RPTOR: variants seen among roughly 807,000 people sequenced by gnomAD.
RPTOR encodes regulatory associated protein of MTOR complex 1.
Under a neutral mutation model 169.9 loss-of-function variants are expected in RPTOR, and 21 were observed. The observed-to-expected ratio is 0.12, with a 90% CI of 0.09 to 0.18. The LOEUF is 0.18. Ranked by LOEUF, RPTOR falls within the 10% of genes least tolerant of loss-of-function variation. RPTOR has a pLI of 1.00. For synonymous variants in RPTOR, 732 were observed against 753.2 expected (o/e 0.97, Z 0.46); for missense variants, 1,133 against 1,855.9 (o/e 0.61, Z 7.16).
intron 11 of RPTOR, among the ~76,000 whole-genome samples, chr17:80,853,017 A>G (rs930198948): frequency 3.3e-5 from 5 of 151,856 alleles, no homozygotes; most frequent in Non-Finnish European, 7.4e-5. Context: ...CCAGTGCTGC[A>G]GTCTCCTCCT....
intron 6 of RPTOR, among the ~76,000 whole-genome samples, chr17:80,760,325 A>T (rs2066723663): frequency 1.1e-5 from 1 of 90,764 alleles, no homozygotes; most frequent in Non-Finnish European, 2.1e-5. Context: ...TTTTTTTGAG[A>T]CCGAGTCTCA....
chr17:80,963,163 GT>G, intron 33 of RPTOR, 106 bp downstream of exon 33: 1 of 1,142,840 alleles, frequency 8.8e-7, no homozygotes, highest in South Asian at 1.5e-5. Context: ...CCACACCACA[GT>G]GGGGCCCATT....
intron 3 of RPTOR, among the ~76,000 whole-genome samples, chr17:80,700,475 GTGA>G (rs565407689): frequency 0.057 from 7,781 of 136,796 alleles, 769 homozygotes; most frequent in African/African-American, 0.21. Flanking sequence ...GGTGGTGGTG[GTGA>G]TGATGGTGGT....
In RPTOR at chr17:80,586,674, C is replaced by T. The variant is rs914077891; in HGVS notation, c.163-39017C>T. On this transcript the variant is annotated intron_variant, in intron 1 of 33. Transcript: ENST00000306801. ...CCAGGCGGGAACTGAAGAGCAGCCC[C>T]GGGCGCTGCAGCTTCCTGTCCTGCC... Among the ~76,000 whole-genome samples the T allele has an allele frequency of 4.6e-5, 7 of 152,258 alleles. No individual in the cohort carries two copies. The Middle Eastern group carries it at 0.01, about 222-fold the overall frequency.
At position 80,633,481 on chromosome 17, in the gene RPTOR, T is replaced by C. The variant is rs2065457448; in HGVS notation, c.265+7688T>C. ...GCTTGAAGGTGGCAGTCTCTTTGTT[T>C]TGTAGAATGTCTCCGGTGTCTCCTA... is the stretch of plus-strand genomic sequence containing the variant. On this transcript the variant is annotated intron_variant, in intron 2 of 33. Transcript: ENST00000306801. This position sits in a 1 kb window ranked among gnomAD's most constrained non-coding sequence, Gnocchi z 4.1. 6.6e-6 allele frequency among the ~76,000 whole-genome samples: 1 copy of C among 152,210 alleles called. No individual in the cohort carries two copies. The highest frequency in any genetic ancestry group is 1.5e-5 in the Non-Finnish European group (1 of 68,036).
At chr17:80,848,093 A>G (rs1420336526) in intron 11 of RPTOR, among the ~76,000 whole-genome samples, 1 of 152,208 alleles carries the variant, frequency 6.6e-6, no homozygotes, top group Non-Finnish European at 1.5e-5. Context: ...GTGCACATGG[A>G]CGTGCTCAAG....
chr17:80,920,200 G>A (rs1431188496), intron 21 of RPTOR, among the ~76,000 whole-genome samples: 3 of 152,228 alleles, frequency 2.0e-5, no homozygotes, highest in Admixed American at 6.5e-5. Context: ...CCGCAGGCAG[G>A]CAGGTCTGCC....
intron 1 of RPTOR, among the ~76,000 whole-genome samples, chr17:80,547,811 A>G (rs1454927357): frequency 6.6e-6 from 1 of 152,204 alleles, no homozygotes; most frequent in East Asian, 1.9e-4. Context: ...GAATAATGGC[A>G]TAGGTTCAAA....
chr17:80,627,941 C>T lies in RPTOR; in HGVS notation c.265+2148C>T, dbSNP rs372734249. Among the ~76,000 whole-genome samples, 365 of 151,594 alleles carry T rather than the reference C, an allele frequency of 2.4e-3. 1 individual carries two copies. The highest frequency in any genetic ancestry group is 8.3e-3 in the African/African-American group (341 of 41,306). On this transcript the variant is annotated intron_variant, in intron 2 of 33. Transcript: ENST00000306801. ...ACAACCTCTGCCTCCCGGGTTCAAG[C>T]GATTCTCCTGCCTCAGCCTCCCGAG...
At chr17:80,837,272 T>C (rs1268645391) in intron 9 of RPTOR, among the ~76,000 whole-genome samples, 1 of 151,954 alleles carries the variant, frequency 6.6e-6, no homozygotes, top group Non-Finnish European at 1.5e-5. Context: ...GACCCCAGAC[T>C]GCAGGGTGCC....
At chr17:80,676,877 C>T (rs2065864926) in intron 3 of RPTOR, among the ~76,000 whole-genome samples, 1 of 152,212 alleles carries the variant, frequency 6.6e-6, no homozygotes. Context: ...GATTTGCAGC[C>T]TGGTGGCCTT....
chr17:80,730,745 G>GTTTTT lies in RPTOR; in HGVS notation c.654+43_654+44insTTTTT. On this transcript the variant is annotated intron_variant, in intron 5 of 33. Transcript: ENST00000306801. This position sits in a 1 kb window ranked among gnomAD's most constrained non-coding sequence, Gnocchi z 4.2. ...TGCTTGGAGAGCGGTGCTGGGTTTGGTTTTGTTTTCCCTGGGGGTGGGGTT... is the reference window on the plus strand; with the variant it reads ...TGCTTGGAGAGCGGTGCTGGGTTTGGTTTTTTTTTGTTTTCCCTGGGGGTGGGGTT... 1.3e-6 allele frequency: 1 copy of GTTTTT among 750,724 alleles called. No individual in the cohort carries two copies. The allele number at this position is 750,724 out of a possible 1,614,324, so 46.5% of individuals were successfully genotyped here.
intron 9 of RPTOR, among the ~76,000 whole-genome samples, chr17:80,825,090 G>A (rs527485600): frequency 2.0e-5 from 3 of 149,956 alleles, no homozygotes; most frequent in East Asian, 4.0e-4. Flanking sequence ...TAGAGGCCAC[G>A]TGGCGAGGTC....
chr17:80,928,181 G>A (rs2068835217), intron 24 of RPTOR, among the ~76,000 whole-genome samples: 2 of 152,098 alleles, frequency 1.3e-5, no homozygotes, highest in Non-Finnish European at 2.9e-5. Flanking sequence ...TCTTAGGAGT[G>A]TCTTTAACAT....
intron 3 of RPTOR, among the ~76,000 whole-genome samples, chr17:80,684,934 C>T (rs2065925558): frequency 6.6e-6 from 1 of 152,166 alleles, no homozygotes; most frequent in African/African-American, 2.4e-5. Context: ...AACATTGTAA[C>T]ATTTTGCAAT....
At chr17:80,554,062 G>T (rs2084377376) in intron 1 of RPTOR, among the ~76,000 whole-genome samples, 1 of 151,900 alleles carries the variant, frequency 6.6e-6, no homozygotes, top group South Asian at 2.1e-4. Flanking sequence ...TTGTGTGCGT[G>T]TGTGTATATT....
intron 1 of RPTOR, among the ~76,000 whole-genome samples, chr17:80,547,383 A>G (rs1379420140): frequency 6.6e-6 from 1 of 152,166 alleles, no homozygotes; most frequent in African/African-American, 2.4e-5. Flanking sequence ...CTGCTGTCCT[A>G]AACCTATGTT....
chr17:80,751,209 G>A (rs1320756082), intron 5 of RPTOR, among the ~76,000 whole-genome samples: 1 of 152,174 alleles, frequency 6.6e-6, no homozygotes, highest in Non-Finnish European at 1.5e-5. Context: ...AGCACTGGGC[G>A]TGCTGTCTGG....
chr17:80,647,280 G>A (rs890052103), intron 3 of RPTOR, among the ~76,000 whole-genome samples: 2 of 152,180 alleles, frequency 1.3e-5, no homozygotes, highest in African/African-American at 4.8e-5. Context: ...GGAAAATGCC[G>A]ACCGTTGTTT....
Sources: allele counts gnomAD v4.1 joint callset (sites outside exome capture counted in the v4.1 genomes callset), GRCh38; gene constraint gnomAD v4.1.1; non-coding constraint Gnocchi (gnomAD v3.1); transcripts MANE v1.5; gene names NCBI Gene and HGNC (gene_info 2026-07-23, HGNC 2026-07-21).